SPRED1: variants seen among roughly 807,000 people sequenced by gnomAD.
SPRED1 encodes the protein sprouty-related, EVH1 domain-containing protein 1.
In SPRED1, 18 loss-of-function variants were observed where a neutral mutation model predicts 52.3. The observed-to-expected ratio is 0.34, with a 90% CI of 0.24 to 0.51. The LOEUF is 0.51. Ranked by LOEUF, SPRED1 falls within the 20% of genes least tolerant of loss-of-function variation. The pLI is 0.97. For missense variants in SPRED1, 485 were observed against 551.0 expected (o/e 0.88, Z 1.20); for synonymous variants, 155 against 179.7 (o/e 0.86, Z 1.10).
chr15:38,350,909 C>T, intron 6 of SPRED1, 105 bp from the exon 7 acceptor site: 1 of 1,168,988 alleles, frequency 8.6e-7, no homozygotes, highest in Non-Finnish European at 1.2e-6. Flanking sequence ...ATAGAAATGT[C>T]CAGAATAATA....
intron 1 of SPRED1, among the ~76,000 whole-genome samples, chr15:38,296,123 T>C (rs1895033108): frequency 6.6e-6 from 1 of 152,142 alleles, no homozygotes; most frequent in African/African-American, 2.4e-5. Flanking sequence ...ACATAAAATC[T>C]CAGATCTCCA....
At chr15:38,345,639 T>C (rs1896117885) in intron 5 of SPRED1, among the ~76,000 whole-genome samples, 1 of 152,146 alleles carries the variant, frequency 6.6e-6, no homozygotes, top group African/African-American at 2.4e-5. Context: ...CTCCTCCAAA[T>C]CCCATGGGAA....
At chr15:38,298,199 T>G (rs4924232) in intron 1 of SPRED1, among the ~76,000 whole-genome samples, 13,764 of 152,110 alleles carry the variant, frequency 0.09, 752 homozygotes, top group East Asian at 0.21. Flanking sequence ...AAGTTAAGAC[T>G]GAAAACACCA....
At chr15:38,338,700 T>A (rs1326762258) in intron 4 of SPRED1, among the ~76,000 whole-genome samples, 1 of 152,186 alleles carries the variant, frequency 6.6e-6, no homozygotes, top group East Asian at 1.9e-4. Flanking sequence ...CCCAGTGTCA[T>A]AAAATAGCAT....
At chr15:38,287,128 G>A (rs1894827956) in intron 1 of SPRED1, among the ~76,000 whole-genome samples, 1 of 152,014 alleles carries the variant, frequency 6.6e-6, no homozygotes, top group Admixed American at 6.6e-5. Context: ...GTGTAATAAG[G>A]CCTTTATTCT....
At chr15:38,298,120 C>T (rs1895075431) in intron 1 of SPRED1, among the ~76,000 whole-genome samples, 1 of 152,124 alleles carries the variant, frequency 6.6e-6, no homozygotes, top group Non-Finnish European at 1.5e-5. Flanking sequence ...TGCTCAACAT[C>T]ATGAGTCATT....
chr15:38,294,873 A>ATG (rs1895000998), intron 1 of SPRED1, among the ~76,000 whole-genome samples: 1 of 152,228 alleles, frequency 6.6e-6, no homozygotes, highest in South Asian at 2.1e-4. Context: ...GAAAATATAT[A>ATG]TGTGGCAAAA....
At chr15:38,273,062 C>A (rs780810242) in intron 1 of SPRED1, among the ~76,000 whole-genome samples, 4 of 152,114 alleles carry the variant, frequency 2.6e-5, no homozygotes, top group Admixed American at 1.3e-4. Context: ...TTTTTTGTTA[C>A]AATTGCTTTG....
chr15:38,273,519 TAATATATATATATATA>T (rs1204523827), intron 1 of SPRED1, among the ~76,000 whole-genome samples: 7 of 112,986 alleles, frequency 6.2e-5, no homozygotes, highest in Middle Eastern at 4.8e-3. Flanking sequence ...TATGTATTAT[TAATATATATATATATA>T]TATATATATA....
chr15:38,318,628 T>C (rs1162716952), intron 2 of SPRED1, among the ~76,000 whole-genome samples: 2 of 152,122 alleles, frequency 1.3e-5, no homozygotes, highest in African/African-American at 4.8e-5. Context: ...ATTATTGCCA[T>C]CTTTGTGTCT....
In SPRED1 at chr15:38,349,449, A is replaced by T; in HGVS notation, c.610A>T (p.Ile204Phe). Residue 204 changes from isoleucine (I) to phenylalanine (F), a missense_variant, in exon 6 of 7, where the codon ATT (isoleucine) becomes TTT (phenylalanine). Physicochemically the swap from Ile to Phe is conservative, Grantham distance 21. Coordinates refer to ENST00000299084, the MANE Select transcript of SPRED1 (RefSeq NM_152594.3). ...QITFGQPGLD[I>F]QSRSMEYVQR... ...AACATTTGGTCAGCCAGGCTTGGACATTCAGAGCAGAAGTATGGAATACGT... is the reference window on the plus strand; with the variant it reads ...AACATTTGGTCAGCCAGGCTTGGACTTTCAGAGCAGAAGTATGGAATACGT... 1.2e-6 allele frequency: 2 copies of T among 1,612,808 alleles called. No homozygotes were observed. The highest frequency in any genetic ancestry group is 1.7e-6 in the Non-Finnish European group (2 of 1,179,056).
At chr15:38,327,009 A>G (rs919437038) in intron 4 of SPRED1, among the ~76,000 whole-genome samples, 1 of 152,178 alleles carries the variant, frequency 6.6e-6, no homozygotes, top group Non-Finnish European at 1.5e-5. Flanking sequence ...AGAAGGTCAC[A>G]TGGCAGTTAC....
At chr15:38,349,594 T>G in intron 6 of SPRED1, 71 bp downstream of exon 6, 2 of 696,462 alleles carry the variant, frequency 2.9e-6, no homozygotes, top group Non-Finnish European at 4.8e-6. Flanking sequence ...TTTCCAGTCT[T>G]TCTAATTCTC....
intron 3 of SPRED1, among the ~76,000 whole-genome samples, chr15:38,323,591 T>A (rs1176632995): frequency 6.7e-6 from 1 of 148,336 alleles, no homozygotes; most frequent in Non-Finnish European, 1.5e-5. Flanking sequence ...AGTCAAGGAA[T>A]TGTAATTTGA....
At chr15:38,328,253 AAT>A (rs1895745059) in intron 4 of SPRED1, among the ~76,000 whole-genome samples, 2 of 152,246 alleles carry the variant, frequency 1.3e-5, no homozygotes, top group Non-Finnish European at 2.9e-5. Flanking sequence ...AAGTAATGAT[AAT>A]GTTATATTTA....
At chr15:38,322,434 A>C (rs1463771919) in intron 3 of SPRED1, 25 bp downstream of exon 3, 1 of 1,609,826 alleles carries the variant, frequency 6.2e-7, no homozygotes, top group Admixed American at 1.7e-5. Flanking sequence ...CTATTTTCTT[A>C]ATTTATTTAT....
chr15:38,335,466 A>G (rs1895894172), intron 4 of SPRED1, among the ~76,000 whole-genome samples: 1 of 152,128 alleles, frequency 6.6e-6, no homozygotes, highest in East Asian at 1.9e-4. Flanking sequence ...TGTGAAAGAT[A>G]CTCAGAAGAT....
chr15:38,323,815 A>G (rs1477660777), intron 3 of SPRED1, among the ~76,000 whole-genome samples: 1 of 152,154 alleles, frequency 6.6e-6, no homozygotes, highest in Non-Finnish European at 1.5e-5. Context: ...GCTGGAATTT[A>G]TATGATTTAA....
At chr15:38,256,279 A>C (rs1595709895) in intron 1 of SPRED1, among the ~76,000 whole-genome samples, 1 of 152,132 alleles carries the variant, frequency 6.6e-6, no homozygotes. Context: ...TTTGTTTTGT[A>C]GGTAATTTGC....
Sources: allele counts gnomAD v4.1 joint callset (sites outside exome capture counted in the v4.1 genomes callset), GRCh38; gene constraint gnomAD v4.1.1; transcripts MANE v1.5; gene names NCBI Gene and HGNC (gene_info 2026-07-23, HGNC 2026-07-21).